ITPKB: variants seen among roughly 807,000 people sequenced by gnomAD.
ITPKB encodes IP3 3-kinase B.
A neutral mutation model predicts 69.4 loss-of-function variants in ITPKB; 13 were observed. The observed-to-expected ratio is 0.19, with a 90% CI of 0.12 to 0.30. ITPKB has a LOEUF of 0.30. Ranked by LOEUF, ITPKB falls within the 10% of genes least tolerant of loss-of-function variation. The probability of loss-of-function intolerance (pLI) is 1.00; values close to 1 mark genes in which losing one functional copy is unlikely to be tolerated. For missense variants in ITPKB, 1,240 were observed against 1,250.5 expected, an observed-to-expected ratio of 0.99 and a Z score of 0.13; for synonymous variants, 584 against 513.7, an observed-to-expected ratio of 1.14 and a Z score of -1.85.
At chr1:226,672,727 C>G (rs1175941244) in intron 2 of ITPKB, among the ~76,000 whole-genome samples, 2 of 152,210 alleles carry the variant, frequency 1.3e-5, no homozygotes, top group Non-Finnish European at 2.9e-5. Context: ...AGATAAAGAG[C>G]TGGTCCATGG....
chr1:226,662,598 C>A (rs1669421549), intron 2 of ITPKB, among the ~76,000 whole-genome samples: 1 of 152,112 alleles, frequency 6.6e-6, no homozygotes, highest in African/African-American at 2.4e-5. Context: ...TCTGGGAATG[C>A]AAAAAAGACC....
intron 2 of ITPKB, among the ~76,000 whole-genome samples, chr1:226,716,830 C>T (rs1179782060): frequency 2.0e-5 from 3 of 152,200 alleles, no homozygotes; most frequent in African/African-American, 7.2e-5. Flanking sequence ...AGATGATTTC[C>T]ATTCCCCAGG....
Position 226,738,431 on chromosome 1 carries a change from C to G in ITPKB, c.-206+610G>C, listed in dbSNP as rs1051338996. ...TTACCGGAACCAGTACTTGCTGCCCCCCTGCCGTCGTCCCCTATGGGGGGG... is the reference window on the plus strand; with the variant it reads ...TTACCGGAACCAGTACTTGCTGCCCGCCTGCCGTCGTCCCCTATGGGGGGG... On this transcript the variant is annotated intron_variant, in intron 1 of 7. Coordinates refer to ENST00000429204, the MANE Select transcript of ITPKB (RefSeq NM_002221.4). This position sits in a 1 kb window ranked among gnomAD's most constrained non-coding sequence, Gnocchi z 4.2. 6.6e-6 allele frequency among the ~76,000 whole-genome samples: 1 copy of G among 152,232 alleles called. No homozygotes were observed. The highest frequency in any genetic ancestry group is 1.9e-4 in the East Asian group (1 of 5,194).
intron 2 of ITPKB, among the ~76,000 whole-genome samples, chr1:226,734,000 A>G (rs1171562538): frequency 6.6e-6 from 1 of 152,250 alleles, no homozygotes; most frequent in Non-Finnish European, 1.5e-5. Context: ...TCAGGAGTTC[A>G]AAAGCAACTG....
At position 226,642,739 on chromosome 1, in the gene ITPKB, C is replaced by T. The variant is rs897688608; in HGVS notation, c.2247-614G>A. Among the ~76,000 whole-genome samples, 3 of 152,076 alleles carry T rather than the reference C, an allele frequency of 2.0e-5. No individual in the cohort carries two copies. The highest frequency in any genetic ancestry group is 1.9e-4 in the East Asian group (1 of 5,168). Reference sequence around the variant, plus strand: ...CCCCACTAGATCCCCTTGGCTGCCTCGGCCCTTCCATAAAGCGAGGGCTTC... The same window carrying T: ...CCCCACTAGATCCCCTTGGCTGCCTTGGCCCTTCCATAAAGCGAGGGCTTC... On this transcript the variant is annotated intron_variant, in intron 4 of 7. Coordinates refer to ENST00000429204, the MANE Select transcript of ITPKB (RefSeq NM_002221.4). The surrounding 1 kb of genome is among the most constrained non-coding windows in gnomAD (Gnocchi z 6.4).
In ITPKB at chr1:226,641,845, A is replaced by T. The variant is rs1668968408; in HGVS notation, c.2451+76T>A. ...GCCTGGAGAAGCTTACAGCTTCCAA[A>T]GGGCGCTGAGAGAAGCCAAGCCCCC... is the stretch of plus-strand genomic sequence containing the variant. On this transcript the variant is annotated intron_variant, in intron 5 of 7. Transcript: ENST00000429204. This position sits in a 1 kb window ranked among gnomAD's most constrained non-coding sequence, Gnocchi z 4.6. The T allele has an allele frequency of 1.5e-6, 2 of 1,336,840 alleles. No individual in the cohort carries two copies. The highest frequency in any genetic ancestry group is 2.9e-5 in the African/African-American group (2 of 68,670). 82.8% of individuals were successfully genotyped at this position (1,336,840 alleles called of 1,614,324 possible).
At chr1:226,649,364 G>A (rs1669127106) in intron 2 of ITPKB, among the ~76,000 whole-genome samples, 1 of 88,068 alleles carries the variant, frequency 1.1e-5, no homozygotes, top group South Asian at 3.6e-4. Flanking sequence ...ATATGTGCAT[G>A]TGTGCATGTG....
At chr1:226,658,302 C>A (rs1319882963) in intron 2 of ITPKB, among the ~76,000 whole-genome samples, 1 of 152,246 alleles carries the variant, frequency 6.6e-6, no homozygotes, top group Non-Finnish European at 1.5e-5. Context: ...CAGGGCCCAG[C>A]TGGGTTGGCG....
chr1:226,663,270 C>T (rs1350280148), intron 2 of ITPKB, among the ~76,000 whole-genome samples: 2 of 152,160 alleles, frequency 1.3e-5, no homozygotes, highest in Non-Finnish European at 2.9e-5. Flanking sequence ...CCTCCCAGGG[C>T]CCCAGAAAGG....
intron 2 of ITPKB, among the ~76,000 whole-genome samples, chr1:226,670,618 G>A (rs549798606): frequency 5.3e-5 from 8 of 152,200 alleles, no homozygotes; most frequent in Middle Eastern, 3.4e-3. Flanking sequence ...AATTAGCTAC[G>A]GAAAATATAC....
At chr1:226,730,064 G>A (rs1423802530) in intron 2 of ITPKB, among the ~76,000 whole-genome samples, 1 of 152,224 alleles carries the variant, frequency 6.6e-6, no homozygotes, top group Non-Finnish European at 1.5e-5. Flanking sequence ...TGGGGTGAAT[G>A]AAGGGGGCCC....
At chr1:226,721,985 G>T (rs1470584526) in intron 2 of ITPKB, among the ~76,000 whole-genome samples, 2 of 150,290 alleles carry the variant, frequency 1.3e-5, no homozygotes, top group Non-Finnish European at 3.0e-5. Context: ...AGCTGATTTT[G>T]TATTTTTAGT....
At chr1:226,718,970 T>A (rs1384122650) in intron 2 of ITPKB, among the ~76,000 whole-genome samples, 1 of 152,100 alleles carries the variant, frequency 6.6e-6, no homozygotes, top group East Asian at 1.9e-4. Flanking sequence ...GACACAGATG[T>A]CCCCTCCTAA....
chr1:226,720,153 C>T (rs1657198160), intron 2 of ITPKB, among the ~76,000 whole-genome samples: 2 of 152,238 alleles, frequency 1.3e-5, no homozygotes, highest in African/African-American at 2.4e-5. Context: ...CTTAGTTCCA[C>T]CTCCTCAAGT....
intron 2 of ITPKB, among the ~76,000 whole-genome samples, chr1:226,661,142 AC>A (rs1307606085): frequency 1.3e-5 from 2 of 151,664 alleles, no homozygotes; most frequent in African/African-American, 2.4e-5. Flanking sequence ...CCCCATCTCC[AC>A]CCCCAACACA....
chr1:226,715,603 T>C (rs1242223349), intron 2 of ITPKB, among the ~76,000 whole-genome samples: 1 of 152,246 alleles, frequency 6.6e-6, no homozygotes, highest in Non-Finnish European at 1.5e-5. Context: ...ATATATTTTA[T>C]GTATTCAAAT....
In ITPKB at chr1:226,631,827, G is replaced by C. The variant is rs1360960940; in HGVS notation, c.*2844C>G. The C allele has an allele frequency of 6.6e-6, 1 of 152,502 alleles. No homozygotes were observed. Among genetic ancestry groups the C allele is most frequent in the African/African-American group, 2.4e-5 (1 of 41,446 alleles). 9.4% of individuals were successfully genotyped at this position (152,502 alleles called of 1,614,324 possible). ...GGAAGAGAGCCTCTCGGCAGGCGGG[G>C]GGGGTCCTCTCCTCCAGAACAAAAG... On this transcript the variant is annotated 3_prime_UTR_variant, in exon 8 of 8. Coordinates refer to ENST00000429204, the MANE Select transcript of ITPKB (RefSeq NM_002221.4).
At chr1:226,716,173 G>A (rs540039091) in intron 2 of ITPKB, among the ~76,000 whole-genome samples, 2 of 152,158 alleles carry the variant, frequency 1.3e-5, no homozygotes, top group South Asian at 4.1e-4. Context: ...CTAACCAGAC[G>A]ACTTAAAGTA....
chr1:226,651,799 T>TG (rs1328698545), intron 2 of ITPKB, among the ~76,000 whole-genome samples: 1 of 152,038 alleles, frequency 6.6e-6, no homozygotes, highest in Non-Finnish European at 1.5e-5. Flanking sequence ...TGCTCCAGGG[T>TG]GGGGGTCTTC....
Sources: allele counts gnomAD v4.1 joint callset (sites outside exome capture counted in the v4.1 genomes callset), GRCh38; gene constraint gnomAD v4.1.1; non-coding constraint Gnocchi (gnomAD v3.1); transcripts MANE v1.5; gene names NCBI Gene and HGNC (gene_info 2026-07-23, HGNC 2026-07-21).